Variants in GMDS observed in about 807,000 individuals in gnomAD.
GMDS encodes GDP-mannose 4,6-dehydratase.
In GMDS, 20 loss-of-function variants were observed where a neutral mutation model predicts 49.9. The ratio of observed to expected loss-of-function variants is 0.40; its 90% confidence interval spans 0.28 to 0.58. The LOEUF (loss-of-function observed/expected upper bound fraction) is 0.58, where lower values mean the gene tolerates loss of function less well. GMDS is among the 20% of genes least tolerant of loss of function. The pLI, the probability that GMDS is intolerant of heterozygous loss-of-function variation, is 0.42. For missense variants in GMDS, 362 were observed against 481.4 expected (o/e 0.75, Z 2.32); for synonymous variants, 177 against 178.6 (o/e 0.99, Z 0.07).
rs114169463 is a variant in GMDS at position 2,108,834 on chromosome 6, C to G, written c.345+6937G>C. ...AGGTAGCGTGTGGCTGCTTATGAACCGCACGTCCAGGTGGGCACCTGTGAA... is the reference window on the plus strand; with the variant it reads ...AGGTAGCGTGTGGCTGCTTATGAACGGCACGTCCAGGTGGGCACCTGTGAA... On this transcript the variant is annotated intron_variant, in intron 4 of 10. Coordinates refer to ENST00000380815, the MANE Select transcript of GMDS (RefSeq NM_001500.4). Among the ~76,000 whole-genome samples the G allele has an allele frequency of 8.7e-3, 1,330 of 152,196 alleles. 13 individuals are homozygous for G. The highest frequency in any genetic ancestry group is 0.031 in the African/African-American group (1,277 of 41,508).
chr6:1,908,489 T>A (rs1318186672), intron 7 of GMDS, among the ~76,000 whole-genome samples: 1 of 152,214 alleles, frequency 6.6e-6, no homozygotes, highest in Non-Finnish European at 1.5e-5. Context: ...GCAAAAGATA[T>A]TTTCTTGAAT....
chr6:2,115,901 C>A, intron 3 of GMDS, 21 bp from the exon 4 acceptor site: 3 of 1,280,962 alleles, frequency 2.3e-6, no homozygotes, highest in South Asian at 1.2e-5. Flanking sequence ...CAAAAACATC[C>A]CATTAGATAG....
chr6:2,033,302 A>C (rs1457887939), intron 4 of GMDS, among the ~76,000 whole-genome samples: 1 of 152,224 alleles, frequency 6.6e-6, no homozygotes, highest in African/African-American at 2.4e-5. Context: ...AGAAGTTTCC[A>C]AAGTATCATG....
At chr6:2,081,372 T>G (rs1223595042) in intron 4 of GMDS, among the ~76,000 whole-genome samples, 1 of 152,156 alleles carries the variant, frequency 6.6e-6, no homozygotes, top group Non-Finnish European at 1.5e-5. Flanking sequence ...CGGCCTTCTT[T>G]CCCTGAACAC....
rs557734213 is a variant in GMDS, at chr6:1,668,473, A to G, written c.988-43933T>C. On this transcript the variant is annotated intron_variant, in intron 9 of 10. Coordinates refer to ENST00000380815, the MANE Select transcript of GMDS (RefSeq NM_001500.4). ...GCCTGTAATCCCAGCACTTCAGGAG[A>G]CCAAGGCAGGCGGATCACCTGAGGT... is the stretch of plus-strand genomic sequence containing the variant. Among the ~76,000 whole-genome samples the G allele has an allele frequency of 2.0e-5, 3 of 152,272 alleles. No homozygotes were observed. The East Asian group carries it at 5.8e-4, about 29-fold the overall frequency.
intron 9 of GMDS, among the ~76,000 whole-genome samples, chr6:1,644,099 C>T (rs997952814): frequency 6.6e-6 from 1 of 152,182 alleles, no homozygotes; most frequent in African/African-American, 2.4e-5. Context: ...GGCAAGGAAC[C>T]CCCGGTCTGA....
chr6:1,761,011 T>G (rs1453713777), intron 7 of GMDS, among the ~76,000 whole-genome samples: 1 of 152,092 alleles, frequency 6.6e-6, no homozygotes, highest in East Asian at 1.9e-4. Context: ...ATTGTAACTG[T>G]AACATTTGAG....
rs538166591 is a variant in GMDS, at chr6:2,023,824, G to C, written c.346-62858C>G. ...CAAAAAGTTAAAAATAGATGAAAGA[G>C]AATCTTAAAGATATGGAAGAGAGGC... On this transcript the variant is annotated intron_variant, in intron 4 of 10. Coordinates refer to ENST00000380815, the MANE Select transcript of GMDS (RefSeq NM_001500.4). Among the ~76,000 whole-genome samples the C allele has an allele frequency of 9.9e-5, 15 of 152,252 alleles. 1 individual carries two copies. Among genetic ancestry groups the C allele is most frequent in the Middle Eastern group, 6.8e-3 (2 of 294 alleles).
chr6:2,092,230 C>A (rs1773360119), intron 4 of GMDS, among the ~76,000 whole-genome samples: 2 of 152,174 alleles, frequency 1.3e-5, no homozygotes, highest in Admixed American at 6.5e-5. Context: ...TGTTAATCCA[C>A]ACTAAGTATC....
chr6:1,737,895 A>C (rs1191304500), intron 8 of GMDS, among the ~76,000 whole-genome samples: 6 of 147,004 alleles, frequency 4.1e-5, no homozygotes, highest in African/African-American at 1.5e-4. Flanking sequence ...GCAACCCCAC[A>C]CACATACACA....
At chr6:1,896,635 T>A (rs1478889236) in intron 7 of GMDS, among the ~76,000 whole-genome samples, 7 of 151,884 alleles carry the variant, frequency 4.6e-5, no homozygotes, top group Non-Finnish European at 8.8e-5. Context: ...GGGAGCAGAG[T>A]CAGATCATGA....
Position 1,898,957 on chromosome 6 carries a change from C to T in GMDS, c.771+31146G>A, listed in dbSNP as rs979066071. Among the ~76,000 whole-genome samples the T allele has an allele frequency of 2.0e-5, 3 of 152,082 alleles. No homozygotes were observed. In the East Asian group the frequency reaches 5.8e-4, roughly 29 times the overall value. ...ACAAATAATGAATTAATTACAACGG[C>T]GATAAATGTCATAAAAGGAAATGAA... On this transcript the variant is annotated intron_variant, in intron 7 of 10. Transcript: ENST00000380815.
At chr6:2,130,388 G>A (rs536808528) in intron 1 of GMDS, among the ~76,000 whole-genome samples, 71 of 152,298 alleles carry the variant, frequency 4.7e-4, no homozygotes, top group Non-Finnish European at 2.1e-4. Context: ...GAGAAGCACT[G>A]CAATCCAGCA....
chr6:1,839,211 G>A (rs1757051252), intron 7 of GMDS, among the ~76,000 whole-genome samples: 1 of 152,132 alleles, frequency 6.6e-6, no homozygotes, highest in African/African-American at 2.4e-5. Context: ...AACAGCCAGA[G>A]GGCATTTATT....
intron 4 of GMDS, among the ~76,000 whole-genome samples, chr6:2,067,837 C>T (rs192000259): frequency 3.3e-4 from 50 of 152,176 alleles, no homozygotes; most frequent in Non-Finnish European, 5.1e-4. Flanking sequence ...ACCAGAGGTA[C>T]GAGGAGGAAC....
intron 7 of GMDS, among the ~76,000 whole-genome samples, chr6:1,879,254 C>T (rs533593969): frequency 6.6e-6 from 1 of 152,208 alleles, no homozygotes; most frequent in South Asian, 2.1e-4. Context: ...AAAATATTTA[C>T]ATACAAGTGA....
At chr6:1,874,275 A>G (rs968030012) in intron 7 of GMDS, among the ~76,000 whole-genome samples, 1 of 152,218 alleles carries the variant, frequency 6.6e-6, no homozygotes, top group African/African-American at 2.4e-5. Flanking sequence ...ATCAACAGAT[A>G]GTATAGAAAA....
chr6:1,894,236 AC>A (rs963774373), intron 7 of GMDS, among the ~76,000 whole-genome samples: 1 of 152,202 alleles, frequency 6.6e-6, no homozygotes, highest in African/African-American at 2.4e-5. Context: ...TTTTACTCAC[AC>A]TTCTAATCTG....
intron 7 of GMDS, among the ~76,000 whole-genome samples, chr6:1,835,920 T>C (rs748394441): frequency 2.6e-5 from 4 of 152,196 alleles, no homozygotes; most frequent in Admixed American, 6.5e-5. Context: ...AGTCTCGCTA[T>C]GTCGCCCAGG....
Sources: gnomAD v4.1 joint callset for allele counts (sites outside exome capture counted in the v4.1 genomes callset) on GRCh38, gnomAD v4.1.1 for gene constraint, MANE v1.5 for transcripts, NCBI Gene and HGNC (gene_info 2026-07-23, HGNC 2026-07-21) for gene names.